The following RBFOX1 variants were observed in gnomAD, a reference collection of about 807,000 sequenced individuals.
RBFOX1 encodes the protein RNA binding protein fox-1 homolog 1.
RBFOX1 carries 8 observed loss-of-function variants against 57.7 expected under a neutral mutation model. The observed-to-expected ratio is 0.14, with a 90% CI of 0.08 to 0.25. RBFOX1 has a LOEUF of 0.25. Ranked by LOEUF, RBFOX1 falls within the 10% of genes least tolerant of loss-of-function variation. The pLI is 1.00. For missense variants in RBFOX1, 611 were observed against 548.5 expected (o/e 1.11, Z -1.14); for synonymous variants, 326 against 222.4 (o/e 1.47, Z -4.15).
At chr16:6,916,947 T>G (rs923390293) in intron 3 of RBFOX1, among the ~76,000 whole-genome samples, 5 of 152,292 alleles carry the variant, frequency 3.3e-5, no homozygotes, top group African/African-American at 1.2e-4. Flanking sequence ...CCTTCCAGGT[T>G]CAAGCGGTTT....
chr16:6,719,347 G>C (rs1444542710), intron 3 of RBFOX1, among the ~76,000 whole-genome samples: 1 of 151,992 alleles, frequency 6.6e-6, no homozygotes, highest in African/African-American at 2.4e-5. Context: ...ACTCAGAAAA[G>C]ACCCCAGTGT....
chr16:7,339,715 C>G (rs1293037199), intron 4 of RBFOX1, among the ~76,000 whole-genome samples: 1 of 152,214 alleles, frequency 6.6e-6, no homozygotes, highest in Non-Finnish European at 1.5e-5. Flanking sequence ...GCTGGGATTA[C>G]AGGTGCAAGC....
intron 3 of RBFOX1, among the ~76,000 whole-genome samples, chr16:6,855,187 A>G (rs2057604741): frequency 6.6e-6 from 1 of 152,116 alleles, no homozygotes. Flanking sequence ...TGATATCCCC[A>G]GTACCCAATA....
At chr16:5,246,586 G>T (rs186648131) in intron 1 of RBFOX1, among the ~76,000 whole-genome samples, 257 of 152,036 alleles carry the variant, frequency 1.7e-3, no homozygotes, top group Non-Finnish European at 2.8e-3. Context: ...ATGACATTCT[G>T]TGTCCTTTGG....
intron 2 of RBFOX1, among the ~76,000 whole-genome samples, chr16:6,536,600 A>G (rs539856464): frequency 1.3e-5 from 2 of 151,672 alleles, no homozygotes; most frequent in South Asian, 4.2e-4. Context: ...TTGAAGTGTG[A>G]TAAGTCTAAT....
intron 4 of RBFOX1, among the ~76,000 whole-genome samples, chr16:7,114,440 G>A (rs558781358): frequency 1.2e-4 from 18 of 152,264 alleles, no homozygotes; most frequent in African/African-American, 3.6e-4. Flanking sequence ...GAAATGTACC[G>A]TGCAGTCTGC....
intron 1 of RBFOX1, among the ~76,000 whole-genome samples, chr16:5,408,715 T>C (rs1363574116): frequency 6.6e-6 from 1 of 152,224 alleles, no homozygotes; most frequent in Admixed American, 6.5e-5. Context: ...TCTGCTCAGC[T>C]TCTGGGGAGG....
intron 3 of RBFOX1, among the ~76,000 whole-genome samples, chr16:5,770,712 G>T (rs1388661815): frequency 6.6e-6 from 1 of 152,022 alleles, no homozygotes; most frequent in East Asian, 1.9e-4. Flanking sequence ...CAGTTTTGGT[G>T]CTCGCCTGCA....
Position 5,856,179 on chromosome 16 carries a change from CTCTCTCTCTATA to C in RBFOX1, c.319-11122_319-11111del, listed in dbSNP as rs1477935163. 9.9e-4 allele frequency among the ~76,000 whole-genome samples: 54 copies of C among 54,402 alleles called. 1 individual carries two copies. Among genetic ancestry groups the C allele is most frequent in the Admixed American group, 8.7e-3 (30 of 3,434 alleles). The allele number at this position is 54,402 out of a possible 152,430, so 35.7% of individuals were successfully genotyped here. A position where few individuals can be genotyped will look rare whatever the true frequency, so the allele number is the denominator to read the frequency against. On this transcript the variant is annotated intron_variant, in intron 3 of 19. Transcript: ENST00000641259. Reference sequence around the variant, plus strand: ...TCTCTCTCTCTCTCTCTCTCTCTCTCTCTCTCTCTATATATATATATATATATACATATATAT... The same window carrying C: ...TCTCTCTCTCTCTCTCTCTCTCTCTCTATATATATATATATACATATATAT...
chr16:7,684,286 T>C (rs1241741142), intron 14 of RBFOX1, among the ~76,000 whole-genome samples: 2 of 152,090 alleles, frequency 1.3e-5, no homozygotes, highest in Non-Finnish European at 2.9e-5. Flanking sequence ...AAAACTATGA[T>C]GAATTTCATA....
chr16:5,832,014 A>G (rs1438525897), intron 3 of RBFOX1, among the ~76,000 whole-genome samples: 18 of 152,174 alleles, frequency 1.2e-4, no homozygotes, highest in Non-Finnish European at 1.5e-5. Flanking sequence ...GAGGGAAGGT[A>G]TGTCTGTCTG....
chr16:7,592,299 T>C (rs1216067266), intron 7 of RBFOX1, among the ~76,000 whole-genome samples: 1 of 152,246 alleles, frequency 6.6e-6, no homozygotes, highest in Non-Finnish European at 1.5e-5. Flanking sequence ...ATTTCCTTTT[T>C]AGTTCATGCC....
chr16:5,617,541 G>A (rs1021906613), intron 3 of RBFOX1, among the ~76,000 whole-genome samples: 2 of 152,202 alleles, frequency 1.3e-5, no homozygotes, highest in African/African-American at 4.8e-5. Flanking sequence ...TTGAAGTCCA[G>A]AAATGCTAGC....
intron 1 of RBFOX1, among the ~76,000 whole-genome samples, chr16:6,139,322 C>T (rs1352860416): frequency 6.6e-6 from 1 of 152,136 alleles, no homozygotes; most frequent in Non-Finnish European, 1.5e-5. Context: ...ACACAGAATT[C>T]TGCATCACAC....
At chr16:7,611,743 C>T (rs2057509483) in intron 10 of RBFOX1, among the ~76,000 whole-genome samples, 1 of 152,046 alleles carries the variant, frequency 6.6e-6, no homozygotes. Flanking sequence ...TATGACATTC[C>T]TTCTCCCTCA....
chr16:7,016,598 G>C (rs1184875296), intron 3 of RBFOX1, among the ~76,000 whole-genome samples: 1 of 152,100 alleles, frequency 6.6e-6, no homozygotes, highest in Non-Finnish European at 1.5e-5. Flanking sequence ...ACTTCCACTT[G>C]GGTAGACACG....
At chr16:6,574,025 C>G (rs543824720) in intron 2 of RBFOX1, 2 of 152,444 alleles carry the variant, frequency 1.3e-5, no homozygotes, top group African/African-American at 4.8e-5. Context: ...TCACTGTCAC[C>G]CAGACAATTT....
At chr16:6,618,258 T>C (rs1326022919) in intron 2 of RBFOX1, among the ~76,000 whole-genome samples, 2 of 152,174 alleles carry the variant, frequency 1.3e-5, no homozygotes, top group Non-Finnish European at 2.9e-5. Context: ...ATTATGTGTA[T>C]ACCCTAGAAA....
intron 1 of RBFOX1, among the ~76,000 whole-genome samples, chr16:6,295,977 G>C (rs1457622643): frequency 6.6e-6 from 1 of 152,146 alleles, no homozygotes; most frequent in African/African-American, 2.4e-5. Flanking sequence ...TTATCATAGA[G>C]GGCAGGAATG....
Sources: gnomAD v4.1 joint callset for allele counts (sites outside exome capture counted in the v4.1 genomes callset) on GRCh38, gnomAD v4.1.1 for gene constraint, MANE v1.5 for transcripts, NCBI Gene and HGNC (gene_info 2026-07-23, HGNC 2026-07-21) for gene names.